Variants in PICALM observed in about 807,000 individuals in gnomAD.
PICALM encodes the protein phosphatidylinositol binding clathrin assembly protein.
PICALM carries 40 observed loss-of-function variants against 80.5 expected under a neutral mutation model. The ratio of observed to expected loss-of-function variants is 0.50; its 90% CI spans 0.39 to 0.65. PICALM has a LOEUF of 0.65. PICALM is among the 30% of genes least tolerant of loss of function. PICALM has a pLI of 0.00. For synonymous variants in PICALM, 288 were observed against 260.3 expected (o/e 1.11, Z -1.02); for missense variants, 676 against 778.9 (o/e 0.87, Z 1.57).
intron 17 of PICALM, chr11:85,978,500 T>TA (rs1427094639): frequency 6.6e-6 from 1 of 152,472 alleles, no homozygotes; most frequent in African/African-American, 2.4e-5. Context: ...GAATTTGTGT[T>TA]AAATTTAAAA....
intron 9 of PICALM, among the ~76,000 whole-genome samples, chr11:86,002,269 A>G (rs2095166131): frequency 6.6e-6 from 1 of 152,362 alleles, no homozygotes; most frequent in South Asian, 2.1e-4. Flanking sequence ...CTAAAATCCA[A>G]TAACGGCATT....
chr11:86,030,432 C>T (rs1249404362), intron 2 of PICALM, among the ~76,000 whole-genome samples: 4 of 152,218 alleles, frequency 2.6e-5, no homozygotes, highest in Non-Finnish European at 4.4e-5. Flanking sequence ...ATACCAATGA[C>T]TAAAGTTCTT....
intron 1 of PICALM, among the ~76,000 whole-genome samples, chr11:86,045,681 T>C (rs2096061839): frequency 6.6e-6 from 1 of 152,152 alleles, no homozygotes; most frequent in Non-Finnish European, 1.5e-5. Flanking sequence ...CAATATCCCA[T>C]TTATTTTCAA....
chr11:86,058,159 G>A (rs1442052560), intron 1 of PICALM, among the ~76,000 whole-genome samples: 1 of 122,810 alleles, frequency 8.1e-6, no homozygotes, highest in Admixed American at 8.1e-5. Flanking sequence ...CATATAAGGT[G>A]TATTTAAAAT....
chr11:85,988,891 T>C (rs528919583), intron 13 of PICALM, among the ~76,000 whole-genome samples: 2 of 152,342 alleles, frequency 1.3e-5, no homozygotes, highest in African/African-American at 4.8e-5. Context: ...AAAAGAAATA[T>C]TAGGCAGTTG....
intron 3 of PICALM, 128 bp from the exon 4 acceptor site, chr11:86,022,597 A>G (rs1161223374): frequency 3.8e-6 from 2 of 521,554 alleles, no homozygotes; most frequent in Non-Finnish European, 6.7e-6. Context: ...TGATATCCCA[A>G]TTCAATTTAG....
intron 3 of PICALM, 33 bp from the exon 4 acceptor site, chr11:86,022,502 G>C (rs774741079): frequency 4.3e-6 from 5 of 1,151,944 alleles, no homozygotes; most frequent in Middle Eastern, 2.0e-4. Flanking sequence ...ACAAAACAAA[G>C]AGAGAGACAA....
intron 19 of PICALM, among the ~76,000 whole-genome samples, chr11:85,966,709 A>C (rs1565210015): frequency 6.6e-6 from 1 of 152,200 alleles, no homozygotes; most frequent in African/African-American, 2.4e-5. Context: ...TAATCAAGTT[A>C]AGATGAGGTC....
intron 1 of PICALM, among the ~76,000 whole-genome samples, chr11:86,053,866 C>T (rs773822340): frequency 1.3e-5 from 2 of 152,138 alleles, no homozygotes; most frequent in Non-Finnish European, 2.9e-5. Context: ...AAGCACCCAT[C>T]CAAGACTAAC....
intron 3 of PICALM, chr11:86,023,284 A>T (rs2095597222): frequency 4.8e-6 from 1 of 206,382 alleles, no homozygotes; most frequent in African/African-American, 2.4e-5. Flanking sequence ...ACCAAAATGT[A>T]AACTAACTGG....
intron 8 of PICALM, among the ~76,000 whole-genome samples, chr11:86,004,194 G>A (rs1336911363): frequency 6.6e-6 from 1 of 152,070 alleles, no homozygotes; most frequent in East Asian, 1.9e-4. Context: ...CCATCATTTG[G>A]AAAATGGATA....
At chr11:86,009,285 T>G (rs1346810692) in intron 7 of PICALM, among the ~76,000 whole-genome samples, 3 of 87,604 alleles carry the variant, frequency 3.4e-5, no homozygotes, top group Non-Finnish European at 6.1e-5. Context: ...ACAGCAAGTC[T>G]CTGTCTCAAA....
At chr11:86,056,144 A>AAAAAAAAAAAAAAAG (rs764339723) in intron 1 of PICALM, among the ~76,000 whole-genome samples, 2 of 118,844 alleles carry the variant, frequency 1.7e-5, no homozygotes, top group African/African-American at 5.5e-5. Context: ...TTAAAAAAAA[A>AAAAAAAAAAAAAAAG]AAAAAAGAAA....
chr11:85,980,028 G>A (rs1326335321), intron 17 of PICALM, among the ~76,000 whole-genome samples: 1 of 152,086 alleles, frequency 6.6e-6, no homozygotes, highest in East Asian at 1.9e-4. Flanking sequence ...AGAAAATACA[G>A]TTAATCCTCA....
Position 86,025,626 on chromosome 11 carries a change from T to C in PICALM, c.349+666A>G, listed in dbSNP as rs574877714. Among the ~76,000 whole-genome samples the C allele has an allele frequency of 3.4e-4, 52 of 151,966 alleles. No individual in the cohort carries two copies. The Middle Eastern group carries it at 0.01, about 30-fold the overall frequency. ...CAGGCTGGAGTGCAGTGGCATGATC[T>C]TGGCTCACTGCAACCTTCGCCTCCT... On this transcript the variant is annotated intron_variant, in intron 3 of 19. Transcript: ENST00000393346.
rs2094560505 is a variant in PICALM at position 85,986,010 on chromosome 11, C to T, written c.1409-2037G>A. Among the ~76,000 whole-genome samples the T allele has an allele frequency of 1.3e-5, 2 of 151,996 alleles. 1 individual carries two copies. Among genetic ancestry groups the T allele is most frequent in the African/African-American group, 4.8e-5 (2 of 41,458 alleles). ...CATCTCCTGAGGTGCCTAGAGGTACCAATCTGTGAAATTATGACATAATTA... is the reference window on the plus strand; with the variant it reads ...CATCTCCTGAGGTGCCTAGAGGTACTAATCTGTGAAATTATGACATAATTA... On this transcript the variant is annotated intron_variant, in intron 13 of 19. Coordinates refer to ENST00000393346, the MANE Select transcript of PICALM (RefSeq NM_007166.4).
intron 1 of PICALM, 23 bp downstream of exon 1, chr11:86,068,628 G>A: frequency 1.3e-6 from 2 of 1,597,268 alleles, no homozygotes; most frequent in Non-Finnish European, 1.7e-6. Flanking sequence ...CGGGGAGCGG[G>A]GGCCGCGGTC....
intron 1 of PICALM, among the ~76,000 whole-genome samples, chr11:86,066,854 C>T (rs1343008118): frequency 1.3e-5 from 2 of 151,832 alleles, no homozygotes; most frequent in East Asian, 1.9e-4. Context: ...TTTGAAGAGC[C>T]GTAAATAGCA....
At chr11:86,050,531 G>A (rs2096168258) in intron 1 of PICALM, among the ~76,000 whole-genome samples, 1 of 152,090 alleles carries the variant, frequency 6.6e-6, no homozygotes, top group Non-Finnish European at 1.5e-5. Flanking sequence ...TATAATTTAA[G>A]AAACACAGTC....
Sources: allele counts gnomAD v4.1 joint callset (sites outside exome capture counted in the v4.1 genomes callset), GRCh38; gene constraint gnomAD v4.1.1; transcripts MANE v1.5; gene names NCBI Gene and HGNC (gene_info 2026-07-23, HGNC 2026-07-21).